ANXA8: variants seen among roughly 807,000 people sequenced by gnomAD.
ANXA8 encodes the protein annexin A8.
Under a neutral mutation model 26.8 loss-of-function variants are expected in ANXA8, and 9 were observed. That is an observed-to-expected ratio of 0.34 (90% CI 0.20 to 0.59). The LOEUF (loss-of-function observed/expected upper bound fraction) is 0.59, where lower values mean the gene tolerates loss of function less well. ANXA8 is among the 20% of genes least tolerant of loss of function. ANXA8 has a pLI of 0.84. For synonymous variants in ANXA8, 39 were observed against 94.8 expected (o/e 0.41, Z 3.42); for missense variants, 83 against 238.5 (o/e 0.35, Z 4.29).
the ANXA8 span, among the ~76,000 whole-genome samples, chr10:47,727,176 T>C: frequency 2.6e-5 from 4 of 152,426 alleles, no homozygotes; most frequent in East Asian, 7.7e-4. Flanking sequence ...AATTTCTTCT[T>C]AACCTACATT....
the ANXA8 span, among the ~76,000 whole-genome samples, chr10:47,722,907 T>G: frequency 3.5e-4 from 50 of 141,604 alleles, 4 homozygotes; most frequent in African/African-American, 1.1e-3. Flanking sequence ...GTGGACAGAT[T>G]TGAGAATGGT....
At chr10:47,987,819 AAACT>A in the ANXA8 span, among the ~76,000 whole-genome samples, 1 of 120,458 alleles carries the variant, frequency 8.3e-6, no homozygotes, top group Non-Finnish European at 1.7e-5. Context: ...TTCTCCCAGG[AAACT>A]AACCCAGGAC....
the ANXA8 span, among the ~76,000 whole-genome samples, chr10:47,595,456 C>T: frequency 6.7e-6 from 1 of 148,982 alleles, no homozygotes; most frequent in Non-Finnish European, 1.5e-5. Context: ...GCTTAAAAGA[C>T]ATACAGTGGC....
the ANXA8 span, among the ~76,000 whole-genome samples, chr10:47,960,044 C>T: frequency 8.8e-4 from 131 of 148,428 alleles, 8 homozygotes; most frequent in African/African-American, 3.1e-3. Context: ...ATGACTCAGA[C>T]GCCATCTGAC....
At chr10:47,948,007 C>T in the ANXA8 span, among the ~76,000 whole-genome samples, 5 of 150,844 alleles carry the variant, frequency 3.3e-5, 1 homozygote, top group East Asian at 4.1e-4. Context: ...AAATCTGGTG[C>T]GTTCAGTTGA....
At chr10:47,484,960 G>A, upstream of ANXA8, among the ~76,000 whole-genome samples, 1 of 149,012 alleles carries the variant, frequency 6.7e-6, no homozygotes, top group African/African-American at 2.5e-5. Flanking sequence ...ACGCTTCCCG[G>A]GATCCACCCG....
chr10:47,581,874 G>T, the ANXA8 span, among the ~76,000 whole-genome samples: 2 of 150,454 alleles, frequency 1.3e-5, no homozygotes, highest in Non-Finnish European at 2.9e-5. Context: ...CAAAGTGCTG[G>T]TATTACAGGC....
chr10:47,556,736 AATAC>A, the ANXA8 span, among the ~76,000 whole-genome samples: 2 of 151,628 alleles, frequency 1.3e-5, no homozygotes, highest in East Asian at 1.9e-4. Flanking sequence ...TTTTGACAGA[AATAC>A]ATACATATGT....
chr10:47,586,572 G>A, the ANXA8 span, among the ~76,000 whole-genome samples: 1 of 145,626 alleles, frequency 6.9e-6, no homozygotes, highest in Non-Finnish European at 1.5e-5. Context: ...CTGGCCCCGG[G>A]GGATCCTCAG....
At chr10:47,705,749 T>C in the ANXA8 span, among the ~76,000 whole-genome samples, 1 of 152,082 alleles carries the variant, frequency 6.6e-6, no homozygotes, top group Non-Finnish European at 1.5e-5. Flanking sequence ...AAGTTTTTTA[T>C]TGATGTAGGG....
the ANXA8 span, chr10:47,588,732 C>G: frequency 6.9e-6 from 1 of 145,488 alleles, no homozygotes; most frequent in Non-Finnish European, 1.5e-5. Context: ...AGACAGAATT[C>G]TTACAGAGGT....
At chr10:47,683,031 G>A in the ANXA8 span, among the ~76,000 whole-genome samples, 1 of 152,138 alleles carries the variant, frequency 6.6e-6, no homozygotes, top group African/African-American at 2.4e-5. Context: ...AAAGAGAGTC[G>A]AGAAGTCAGT....
chr10:47,519,208 C>CTGT, the ANXA8 span, among the ~76,000 whole-genome samples: 696 of 133,858 alleles, frequency 5.2e-3, 72 homozygotes, highest in Non-Finnish European at 6.9e-3. Context: ...TGGCTGAAGC[C>CTGT]TGTAATCCCA....
At chr10:47,590,437 C>T in the ANXA8 span, 1 of 146,798 alleles carries the variant, frequency 6.8e-6, no homozygotes, top group Admixed American at 6.6e-5. Flanking sequence ...CATGAGTGGT[C>T]CCTCTTGCCA....
chr10:47,744,790 C>A, the ANXA8 span, among the ~76,000 whole-genome samples: 1 of 151,804 alleles, frequency 6.6e-6, no homozygotes, highest in East Asian at 1.9e-4. Context: ...GTCACTCCTC[C>A]CTGCCCCTGG....
At chr10:47,628,044 A>C in the ANXA8 span, among the ~76,000 whole-genome samples, 3 of 150,902 alleles carry the variant, frequency 2.0e-5, no homozygotes, top group Non-Finnish European at 3.0e-5. Flanking sequence ...TATTTGCAAT[A>C]GATATGTATT....
chr10:47,949,695 T>C, the ANXA8 span, among the ~76,000 whole-genome samples: 5 of 149,970 alleles, frequency 3.3e-5, no homozygotes, highest in African/African-American at 1.2e-4. Context: ...ATAGTATATT[T>C]GTAATGAGCT....
chr10:47,597,252 A>G, the ANXA8 span, among the ~76,000 whole-genome samples: 1 of 149,386 alleles, frequency 6.7e-6, no homozygotes, highest in African/African-American at 2.6e-5. Flanking sequence ...CATTCAAAGA[A>G]CATACCTAAA....
chr10:47,556,887 G>A, the ANXA8 span, among the ~76,000 whole-genome samples: 2 of 147,648 alleles, frequency 1.4e-5, 1 homozygote, highest in South Asian at 4.3e-4. Flanking sequence ...ATTTATTCAG[G>A]TTAAAATAAA....
Sources: gnomAD v4.1 joint callset for allele counts (sites outside exome capture counted in the v4.1 genomes callset) on GRCh38, gnomAD v4.1.1 for gene constraint, MANE v1.5 for transcripts, NCBI Gene and HGNC (gene_info 2026-07-23, HGNC 2026-07-21) for gene names.